The following WDR4 variants were observed in gnomAD, a reference collection of about 807,000 sequenced individuals.
The protein encoded by WDR4 is tRNA (guanine-N(7)-)-methyltransferase non-catalytic subunit WDR4.
Under a neutral mutation model 48.6 loss-of-function variants are expected in WDR4, and 47 were observed. The observed-to-expected ratio is 0.97, with a 90% CI of 0.77 to 1.23. The LOEUF (loss-of-function observed/expected upper bound fraction) is 1.23, where lower values mean the gene tolerates loss of function less well. Among genes scored for constraint, WDR4 ranks in the 50% most tolerant of loss-of-function variants. The probability of loss-of-function intolerance (pLI) is 0.00; values close to 1 mark genes in which losing one functional copy is unlikely to be tolerated. For missense variants in WDR4, 606 were observed against 551.6 expected, an observed-to-expected ratio of 1.10 and a Z score of -0.99; for synonymous variants, 268 against 230.0, an observed-to-expected ratio of 1.17 and a Z score of -1.49.
chr21:42,864,654 C>T (rs538835177), intron 3 of WDR4, among the ~76,000 whole-genome samples: 1 of 152,154 alleles, frequency 6.6e-6, no homozygotes, highest in African/African-American at 2.4e-5. Flanking sequence ...ACCAGAGTTC[C>T]GGATGCAGCA....
At chr21:42,863,909 A>G (rs557968799) in intron 3 of WDR4, among the ~76,000 whole-genome samples, 4 of 120,646 alleles carry the variant, frequency 3.3e-5, no homozygotes, top group Non-Finnish European at 5.1e-5. Flanking sequence ...GATTGAGACC[A>G]TTCTGGCTAA....
Position 42,862,227 on chromosome 21 carries a change from AC to A in WDR4, c.566+54del, listed in dbSNP as rs144064922. ...ACGGCACCTGCTGAGCCGCAAGCTGACGCTGTTTTCAAACAGACCTTCTTTC... is the reference window on the plus strand; with the variant it reads ...ACGGCACCTGCTGAGCCGCAAGCTGAGCTGTTTTCAAACAGACCTTCTTTC... On this transcript the variant is annotated intron_variant, in intron 5 of 10. Transcript: ENST00000398208. This position sits in a 1 kb window ranked among gnomAD's most constrained non-coding sequence, Gnocchi z 4.3. 90,425 of 1,484,314 alleles carry A rather than the reference AC, an allele frequency of 0.061. 3,222 individuals are homozygous for A. The highest frequency in any genetic ancestry group is 0.072 in the Non-Finnish European group (78,384 of 1,093,452). 91.9% of individuals were successfully genotyped at this position (1,484,314 alleles called of 1,614,324 possible). A position where few individuals can be genotyped will look rare whatever the true frequency, so the allele number is the denominator to read the frequency against.
upstream of WDR4, among the ~76,000 whole-genome samples, chr21:42,881,880 C>T (rs1203594397): frequency 6.6e-6 from 1 of 152,126 alleles, no homozygotes. Context: ...TCTCCGCTCA[C>T]CAAAACCTCT....
intron 1 of WDR4, among the ~76,000 whole-genome samples, chr21:42,877,335 G>A (rs1339679672): frequency 1.3e-5 from 2 of 150,916 alleles, no homozygotes; most frequent in African/African-American, 4.9e-5. Context: ...GTAGAGACGG[G>A]GTTTCGCCAT....
At chr21:42,854,430 G>GGGAGGT (rs1410143487) in intron 8 of WDR4, 132 bp downstream of exon 8, 1 of 842,368 alleles carries the variant, frequency 1.2e-6, no homozygotes, top group African/African-American at 1.7e-5. Context: ...CATTCTCAGA[G>GGGAGGT]GGAGGTGCTA....
chr21:42,854,649 A>G lies in WDR4; in HGVS notation c.727-23T>C, dbSNP rs778512946. 9.3e-6 allele frequency: 15 copies of G among 1,611,142 alleles called. No individual in the cohort carries two copies. The Admixed American group carries it at 2.4e-4, about 25-fold the overall frequency. On this transcript the variant is annotated intron_variant, in intron 7 of 10. Transcript: ENST00000398208. ...CTTCTAAAAGGAGAAGAAGCCCATTAACTTCACGCCACCTGCAGGGGCCCG... is the reference window on the plus strand; with the variant it reads ...CTTCTAAAAGGAGAAGAAGCCCATTGACTTCACGCCACCTGCAGGGGCCCG...
intron 3 of WDR4, among the ~76,000 whole-genome samples, chr21:42,869,970 G>A (rs1192412578): frequency 6.7e-6 from 1 of 150,140 alleles, no homozygotes; most frequent in African/African-American, 2.5e-5. Flanking sequence ...CCTAGATCGT[G>A]CCATTGCCCT....
At chr21:42,879,596 T>A (rs529490232), upstream of WDR4, 44 of 1,392,630 alleles carry the variant, frequency 3.2e-5, no homozygotes, top group Non-Finnish European at 4.3e-5. Context: ...AGATGACGTA[T>A]ACCCCACGTA....
intron 3 of WDR4, among the ~76,000 whole-genome samples, chr21:42,872,825 T>C (rs1000102522): frequency 3.3e-5 from 5 of 151,982 alleles, no homozygotes; most frequent in African/African-American, 1.2e-4. Context: ...TAATCCCAGC[T>C]ACTGGAGAAG....
intron 2 of WDR4, among the ~76,000 whole-genome samples, chr21:42,874,680 C>A (rs768650603): frequency 1.3e-5 from 2 of 152,072 alleles, no homozygotes; most frequent in Non-Finnish European, 2.9e-5. Flanking sequence ...AAGCCCCAGT[C>A]TCCCATAGCG....
At chr21:42,859,578 G>GGGGCCAGCGATCCACAT in intron 6 of WDR4, 84 bp downstream of exon 6, 4 of 1,374,678 alleles carry the variant, frequency 2.9e-6, no homozygotes, top group Non-Finnish European at 4.0e-6. Context: ...GCGATCCACA[G>GGGGCCAGCGATCCACAT]GGGCCAGGTC....
downstream of WDR4, among the ~76,000 whole-genome samples, chr21:42,846,302 A>G (rs934234213): frequency 6.6e-6 from 1 of 152,220 alleles, no homozygotes; most frequent in African/African-American, 2.4e-5. Context: ...ATCCACAACC[A>G]CAGGCAACAA....
the WDR4 span, among the ~76,000 whole-genome samples, chr21:42,892,742 G>C: frequency 6.6e-6 from 1 of 152,182 alleles, no homozygotes; most frequent in Non-Finnish European, 1.5e-5. Flanking sequence ...ATTTCCAATC[G>C]GCCTAACTCT....
chr21:42,878,803 G>C (rs1356695100), intron 1 of WDR4, among the ~76,000 whole-genome samples: 1 of 152,230 alleles, frequency 6.6e-6, no homozygotes, highest in Non-Finnish European at 1.5e-5. Flanking sequence ...CCACTAGGGA[G>C]GTGCGCACTG....
the WDR4 span, among the ~76,000 whole-genome samples, chr21:42,889,225 C>T: frequency 4.4e-4 from 66 of 151,052 alleles, no homozygotes; most frequent in African/African-American, 1.6e-3. Flanking sequence ...TCAGAAGATC[C>T]GCCAACCTCG....
At chr21:42,867,050 A>G (rs926281335) in intron 3 of WDR4, among the ~76,000 whole-genome samples, 9 of 152,066 alleles carry the variant, frequency 5.9e-5, no homozygotes, top group African/African-American at 2.2e-4. Flanking sequence ...CACACCACCT[A>G]AGGCAAACAT....
At chr21:42,843,466 AGTAGT>A (rs1434030684) in intron 11 of WDR4, among the ~76,000 whole-genome samples, 1 of 130,558 alleles carries the variant, frequency 7.7e-6, no homozygotes, top group Non-Finnish European at 1.5e-5. Context: ...GCTGGAATGC[AGTAGT>A]GCAATCACGG....
rs914297616 is a variant in WDR4, at chr21:42,879,226, C to A, written c.89+181G>T. On this transcript the variant is annotated intron_variant, in intron 1 of 10. Coordinates refer to ENST00000398208, the MANE Select transcript of WDR4 (RefSeq NM_018669.6). ...CCGAGAGCGGACGGCGAAAGCGGACCCTCCAGGCGCAGAGACGCGGCCAGG... is the reference window on the plus strand; with the variant it reads ...CCGAGAGCGGACGGCGAAAGCGGACACTCCAGGCGCAGAGACGCGGCCAGG... 3.1e-6 allele frequency: 4 copies of A among 1,307,114 alleles called. No individual in the cohort carries two copies. In the African/African-American group the frequency reaches 4.6e-5, roughly 15 times the overall value. 81.0% of individuals were successfully genotyped at this position (1,307,114 alleles called of 1,614,324 possible).
intron 1 of WDR4, 102 bp from the exon 2 acceptor site, chr21:42,876,869 AGT>A: frequency 9.3e-7 from 1 of 1,073,796 alleles, no homozygotes; most frequent in Non-Finnish European, 1.3e-6. Context: ...TCCAGGCTCC[AGT>A]ACAATGGCAC....
Sources: allele counts gnomAD v4.1 joint callset (sites outside exome capture counted in the v4.1 genomes callset), GRCh38; gene constraint gnomAD v4.1.1; non-coding constraint Gnocchi (gnomAD v3.1); transcripts MANE v1.5; gene names NCBI Gene and HGNC (gene_info 2026-07-23, HGNC 2026-07-21).